Variants in GAS7 observed in about 807,000 individuals in gnomAD.
GAS7 encodes the protein growth arrest-specific protein 7.
Under a neutral mutation model 71.1 loss-of-function variants are expected in GAS7, and 28 were observed. That is an observed-to-expected ratio of 0.39 (90% CI 0.29 to 0.54). The LOEUF (loss-of-function observed/expected upper bound fraction) is 0.54. Ranked by LOEUF, GAS7 falls within the 20% of genes least tolerant of loss-of-function variation. GAS7 has a pLI of 0.62. For synonymous variants in GAS7, 258 were observed against 245.8 expected (o/e 1.05, Z -0.46); for missense variants, 436 against 627.8 (o/e 0.69, Z 3.27).
intron 5 of GAS7, among the ~76,000 whole-genome samples, chr17:9,951,055 A>C (rs1328220669): frequency 2.0e-5 from 3 of 152,190 alleles, no homozygotes; most frequent in Non-Finnish European, 4.4e-5. Flanking sequence ...CCGAGTCCCC[A>C]AGGTGTGTCC....
intron 1 of GAS7, among the ~76,000 whole-genome samples, chr17:10,169,728 C>A (rs1020900852): frequency 6.6e-6 from 1 of 152,174 alleles, no homozygotes; most frequent in Admixed American, 6.5e-5. Context: ...CCATCCACCC[C>A]ACTCCTTAGG....
chr17:10,134,996 G>C (rs867845180), intron 1 of GAS7, among the ~76,000 whole-genome samples: 68 of 151,962 alleles, frequency 4.5e-4, no homozygotes, highest in African/African-American at 1.5e-3. Context: ...CCACGCCCGG[G>C]TAATTCTTGT....
chr17:10,016,504 C>T (rs1336231343), intron 2 of GAS7, among the ~76,000 whole-genome samples: 1 of 145,030 alleles, frequency 6.9e-6, no homozygotes, highest in African/African-American at 2.6e-5. Flanking sequence ...GAGCCGAGCA[C>T]GGTGGCTCAT....
At chr17:10,142,003 C>A (rs1158431586) in intron 1 of GAS7, among the ~76,000 whole-genome samples, 1 of 151,550 alleles carries the variant, frequency 6.6e-6, no homozygotes, top group Non-Finnish European at 1.5e-5. Context: ...CCGAGGTGGG[C>A]GGATCACGAG....
chr17:9,962,816 A>G (rs1287014801), intron 4 of GAS7, among the ~76,000 whole-genome samples: 1 of 152,192 alleles, frequency 6.6e-6, no homozygotes, highest in African/African-American at 2.4e-5. Context: ...TCTGGCAGTC[A>G]GCACCTTAAC....
chr17:9,916,316 G>A lies in GAS7; in HGVS notation c.*912C>T, dbSNP rs2067580821. The A allele has an allele frequency of 4.3e-6, 1 of 233,292 alleles. No individual in the cohort carries two copies. The highest frequency in any genetic ancestry group is 2.2e-5 in the African/African-American group (1 of 45,350). 14.5% of individuals were successfully genotyped at this position (233,292 alleles called of 1,614,324 possible). A position where few individuals can be genotyped will look rare whatever the true frequency, so the allele number is the denominator to read the frequency against. ...AGCCCAAAGGTGCACAGGGCACCGT[G>A]GCGGACAGGCCCCAGCTTGCTGGCC... On this transcript the variant is annotated 3_prime_UTR_variant, in exon 14 of 14. Transcript: ENST00000432992.
At chr17:10,110,956 A>G (rs1220748000) in intron 1 of GAS7, among the ~76,000 whole-genome samples, 1 of 152,248 alleles carries the variant, frequency 6.6e-6, no homozygotes, top group Non-Finnish European at 1.5e-5. Context: ...ACATGCAACC[A>G]AATATCACAT....
intron 1 of GAS7, among the ~76,000 whole-genome samples, chr17:10,119,879 T>C (rs541351857): frequency 5.8e-4 from 89 of 152,236 alleles, no homozygotes; most frequent in African/African-American, 2.0e-3. Context: ...GCCTGACTAT[T>C]CTCACGCCCA....
chr17:9,971,368 G>A (rs1335663002), intron 3 of GAS7, among the ~76,000 whole-genome samples: 15 of 152,068 alleles, frequency 9.9e-5, no homozygotes, highest in South Asian at 2.1e-4. Context: ...AGATCAGCCC[G>A]GACAACACCG....
At chr17:9,917,972 C>T (rs369512800) in intron 13 of GAS7, 29 bp downstream of exon 13, 10 of 1,544,322 alleles carry the variant, frequency 6.5e-6, no homozygotes, top group African/African-American at 1.4e-5. Flanking sequence ...CCCGTGTCGC[C>T]CGGGAGCCCC....
chr17:10,005,050 T>TATATATATATACACACAC lies in GAS7; in HGVS notation c.304+14726_304+14727insGTGTGTGTATATATATAT, dbSNP rs1296844463. ...CTCTCTATATATACATACATATATATACACATATATGTGTGTATGCACGCA... is the reference window on the plus strand; with the variant it reads ...CTCTCTATATATACATACATATATATATATATATATACACACACACACATATATGTGTGTATGCACGCA... On this transcript the variant is annotated intron_variant, in intron 2 of 13. Coordinates refer to ENST00000432992, the MANE Select transcript of GAS7 (RefSeq NM_201433.2). 1.4e-3 allele frequency among the ~76,000 whole-genome samples: 213 copies of TATATATATATACACACAC among 150,026 alleles called. 2 individuals are homozygous for TATATATATATACACACAC. The East Asian group carries it at 0.02, about 14-fold the overall frequency.
chr17:9,980,819 C>T (rs2070384570), intron 3 of GAS7, among the ~76,000 whole-genome samples: 1 of 152,144 alleles, frequency 6.6e-6, no homozygotes, highest in South Asian at 2.1e-4. Context: ...AAAGTGACTG[C>T]ATGAGGGCTC....
intron 2 of GAS7, among the ~76,000 whole-genome samples, chr17:9,997,170 T>C (rs1262302832): frequency 1.4e-5 from 2 of 144,364 alleles, no homozygotes; most frequent in Non-Finnish European, 3.0e-5. Context: ...TTGAAAAATA[T>C]TGAGGTAGGT....
At chr17:10,067,775 G>T (rs1448815386) in intron 1 of GAS7, among the ~76,000 whole-genome samples, 1 of 152,160 alleles carries the variant, frequency 6.6e-6, no homozygotes, top group African/African-American at 2.4e-5. Flanking sequence ...GCCCAGCCCT[G>T]GTTCAGGGTG....
intron 1 of GAS7, chr17:10,036,833 C>A: frequency 1.4e-6 from 1 of 697,770 alleles, no homozygotes; most frequent in Non-Finnish European, 1.9e-6. Flanking sequence ...AAACAATGGC[C>A]AAGCTTGTGT....
intron 1 of GAS7, among the ~76,000 whole-genome samples, chr17:10,023,137 G>A (rs2152210832): frequency 6.6e-6 from 1 of 152,358 alleles, no homozygotes; most frequent in South Asian, 2.1e-4. Context: ...TGAAAGAGGT[G>A]GGGAGGAGGG....
intron 1 of GAS7, among the ~76,000 whole-genome samples, chr17:10,109,731 C>A (rs2073792452): frequency 6.6e-6 from 1 of 152,070 alleles, no homozygotes; most frequent in Non-Finnish European, 1.5e-5. Flanking sequence ...CCAGCCTGGC[C>A]AACATAGCAA....
chr17:9,943,025 G>T, intron 7 of GAS7, 96 bp downstream of exon 7: 1 of 745,642 alleles, frequency 1.3e-6, no homozygotes, highest in Non-Finnish European at 2.4e-6. Flanking sequence ...TGCTGAGTGT[G>T]CAGTACTGAG....
intron 1 of GAS7, among the ~76,000 whole-genome samples, chr17:10,081,722 A>C (rs558012004): frequency 6.6e-6 from 1 of 152,322 alleles, no homozygotes; most frequent in African/African-American, 2.4e-5. Flanking sequence ...AGTTAAATCC[A>C]AGGTGTGGTA....
Sources: gnomAD v4.1 joint callset for allele counts (sites outside exome capture counted in the v4.1 genomes callset) on GRCh38, gnomAD v4.1.1 for gene constraint, MANE v1.5 for transcripts, NCBI Gene and HGNC (gene_info 2026-07-23, HGNC 2026-07-21) for gene names.